Variants in SYNE2 observed in about 807,000 individuals in gnomAD.
SYNE2 encodes nesprin-2.
Under a neutral mutation model 856.3 loss-of-function variants are expected in SYNE2, and 431 were observed. The ratio of observed to expected loss-of-function variants is 0.50; its 90% confidence interval spans 0.47 to 0.55. The LOEUF (loss-of-function observed/expected upper bound fraction) is 0.55, where lower values mean the gene tolerates loss of function less well. Among genes scored for constraint, SYNE2 ranks in the 20% least tolerant of loss-of-function variants. The probability of loss-of-function intolerance (pLI) is 0.00; values close to 1 mark genes in which losing one functional copy is unlikely to be tolerated. For synonymous variants in SYNE2, 2,923 were observed against 2,872.3 expected, an observed-to-expected ratio of 1.02 and a Z score of -0.56; for missense variants, 8,129 against 8,023.2, an observed-to-expected ratio of 1.01 and a Z score of -0.50.
rs1444886697 is a variant in SYNE2, at chr14:64,224,455, T to A, written c.20383-6T>A. 1 of 1,613,744 alleles carries A rather than the reference T, an allele frequency of 6.2e-7. No individual in the cohort carries two copies. On this transcript the variant is annotated splice_region_variant and splice_polypyrimidine_tract_variant and intron_variant, in intron 113 of 115. Transcript: ENST00000555002. ...CTGTGCTCAACCTTTGGGGTCTGAA[T>A]TTCAGAACCCAGCCTCACCCCTGCC...
intron 11 of SYNE2, among the ~76,000 whole-genome samples, chr14:63,971,223 C>A (rs774857323): frequency 4.6e-5 from 7 of 151,822 alleles, no homozygotes; most frequent in Non-Finnish European, 1.0e-4. Context: ...TCAATCCTCC[C>A]ACCTCAGCTT....
At chr14:64,198,183 G>A (rs2098547882) in intron 99 of SYNE2, among the ~76,000 whole-genome samples, 1 of 152,206 alleles carries the variant, frequency 6.6e-6, no homozygotes. Context: ...CAAAACCTGG[G>A]CAAGTGCAGA....
Position 64,146,065 on chromosome 14 carries a change from T to C in SYNE2, c.15484-3T>C, listed in dbSNP as rs370197641. ...ATTTTTTGTAATCTTTACATTCACT[T>C]AGATACAACATTTAGAACAACTTCT... On this transcript the variant is annotated splice_polypyrimidine_tract_variant and splice_region_variant and intron_variant, in intron 83 of 115. Coordinates refer to ENST00000555002, the MANE Select transcript of SYNE2 (RefSeq NM_182914.3). 1.2e-5 allele frequency: 18 copies of C among 1,559,696 alleles called. No individual in the cohort carries two copies. The highest frequency in any genetic ancestry group is 1.5e-5 in the Non-Finnish European group (17 of 1,142,770).
At chr14:64,220,992 T>C (rs182711335) in intron 111 of SYNE2, among the ~76,000 whole-genome samples, 57 of 152,316 alleles carry the variant, frequency 3.7e-4, no homozygotes, top group Middle Eastern at 3.4e-3. Context: ...TTAATAGCCA[T>C]GTGACTTTGA....
intron 23 of SYNE2, among the ~76,000 whole-genome samples, 185 bp downstream of exon 23, chr14:63,995,387 G>A (rs949625314): frequency 4.6e-5 from 7 of 152,146 alleles, no homozygotes; most frequent in Non-Finnish European, 1.5e-5. Flanking sequence ...TTTTAGAAGT[G>A]AGAAAATTCG....
chr14:64,187,938 G>T (rs927205056), intron 97 of SYNE2, among the ~76,000 whole-genome samples: 6 of 152,114 alleles, frequency 3.9e-5, no homozygotes, highest in African/African-American at 1.4e-4. Context: ...GGTATTTTGG[G>T]GTCAGCCTGC....
intron 64 of SYNE2, among the ~76,000 whole-genome samples, chr14:64,104,446 C>CTT (rs34102150): frequency 2.5e-3 from 299 of 118,724 alleles, no homozygotes; most frequent in Non-Finnish European, 3.8e-3. Context: ...CCTGTTTTCT[C>CTT]TTTTTTTTTT....
At chr14:63,970,566 A>G (rs575224521) in intron 11 of SYNE2, among the ~76,000 whole-genome samples, 3 of 149,948 alleles carry the variant, frequency 2.0e-5, no homozygotes, top group Admixed American at 6.6e-5. Flanking sequence ...CAATTTAGGT[A>G]TATCATTTAA....
chr14:63,926,710 A>G (rs1332641976), intron 2 of SYNE2, among the ~76,000 whole-genome samples: 1 of 152,238 alleles, frequency 6.6e-6, no homozygotes, highest in African/African-American at 2.4e-5. Flanking sequence ...CCATTTTCAA[A>G]TAAGACTGAG....
At chr14:63,933,946 C>T (rs1278860421) in intron 2 of SYNE2, among the ~76,000 whole-genome samples, 1 of 152,164 alleles carries the variant, frequency 6.6e-6, no homozygotes, top group Non-Finnish European at 1.5e-5. Context: ...CCATTGAATA[C>T]TGCCATTCAG....
chr14:64,033,372 T>G (rs1268768591), intron 45 of SYNE2, among the ~76,000 whole-genome samples: 1 of 152,150 alleles, frequency 6.6e-6, no homozygotes, highest in Non-Finnish European at 1.5e-5. Flanking sequence ...ATAAAGATCA[T>G]AATCTAAAAA....
chr14:64,110,651 G>C (rs1266639032), intron 65 of SYNE2, among the ~76,000 whole-genome samples: 1 of 128,776 alleles, frequency 7.8e-6, no homozygotes, highest in African/African-American at 3.1e-5. Context: ...TTTGCTTTTA[G>C]AATTTGGGGC....
intron 1 of SYNE2, among the ~76,000 whole-genome samples, chr14:63,784,395 G>C (rs188561543): frequency 1.3e-5 from 2 of 152,204 alleles, no homozygotes; most frequent in Non-Finnish European, 2.9e-5. Context: ...TGGTCGGGAG[G>C]CTGAGGCAGG....
chr14:64,068,458 G>A (rs2097374705), intron 51 of SYNE2, among the ~76,000 whole-genome samples: 1 of 151,986 alleles, frequency 6.6e-6, no homozygotes, highest in South Asian at 2.1e-4. Context: ...TGTATTAGTA[G>A]TTCATTTCTC....
chr14:64,014,178 T>C (rs1048118792), intron 32 of SYNE2, among the ~76,000 whole-genome samples: 1 of 152,230 alleles, frequency 6.6e-6, no homozygotes, highest in Non-Finnish European at 1.5e-5. Context: ...TGGAGATTCA[T>C]TCAGGTTCTT....
intron 1 of SYNE2, among the ~76,000 whole-genome samples, chr14:63,908,819 C>A (rs182330830): frequency 2.6e-5 from 4 of 152,150 alleles, no homozygotes; most frequent in South Asian, 2.1e-4. Flanking sequence ...AATTGCCTGG[C>A]CTTCCTTTTC....
intron 1 of SYNE2, among the ~76,000 whole-genome samples, chr14:63,774,249 A>G (rs1887026138): frequency 6.6e-6 from 1 of 152,024 alleles, no homozygotes; most frequent in Non-Finnish European, 1.5e-5. Flanking sequence ...CGGGCAGATC[A>G]CCTGAGCTCA....
At chr14:64,200,066 G>A (rs2098555474) in intron 99 of SYNE2, among the ~76,000 whole-genome samples, 1 of 152,142 alleles carries the variant, frequency 6.6e-6, no homozygotes, top group Non-Finnish European at 1.5e-5. Context: ...CTGTACCCAG[G>A]CTGTTGTGTT....
At chr14:64,140,508 G>A (rs368363260) in intron 80 of SYNE2, among the ~76,000 whole-genome samples, 22 of 152,192 alleles carry the variant, frequency 1.4e-4, no homozygotes, top group Non-Finnish European at 2.8e-4. Context: ...CTTGAACCGC[G>A]GTGGGTGGAG....
Sources: allele counts gnomAD v4.1 joint callset (sites outside exome capture counted in the v4.1 genomes callset), GRCh38; gene constraint gnomAD v4.1.1; transcripts MANE v1.5; gene names NCBI Gene and HGNC (gene_info 2026-07-23, HGNC 2026-07-21).